The following KCNQ1 variants were observed in gnomAD, a reference collection of about 807,000 sequenced individuals.
KCNQ1 encodes potassium voltage-gated channel subfamily Q member 1.
Under a neutral mutation model 72.4 loss-of-function variants are expected in KCNQ1, and 49 were observed. The ratio of observed to expected loss-of-function variants is 0.68; its 90% CI spans 0.54 to 0.86. The LOEUF is 0.86. KCNQ1 is among the 40% of genes least tolerant of loss of function. The pLI, the probability that KCNQ1 is intolerant of heterozygous loss-of-function variation, is 0.00. For missense variants in KCNQ1, 790 were observed against 945.1 expected (o/e 0.84, Z 2.15); for synonymous variants, 450 against 412.6 (o/e 1.09, Z -1.10).
chr11:2,452,049 T>G (rs1328854549), intron 1 of KCNQ1, among the ~76,000 whole-genome samples: 1 of 152,194 alleles, frequency 6.6e-6, no homozygotes, highest in Non-Finnish European at 1.5e-5. Context: ...CCTTGGTCTG[T>G]GCCTGCGTCC....
chr11:2,588,110 G>A lies in KCNQ1; in HGVS notation c.1251+418G>A, dbSNP rs930896911. ...GTGAGGCAGGGGTGCAGCGAAGGGG[G>A]TCTGGAGGTCACAGGGCAGTGGAGT... On this transcript the variant is annotated intron_variant, in intron 9 of 15. Transcript: ENST00000155840. The surrounding 1 kb of genome is among the most constrained non-coding windows in gnomAD (Gnocchi z 5.6). Among the ~76,000 whole-genome samples the A allele has an allele frequency of 1.3e-5, 2 of 152,176 alleles. No individual in the cohort carries two copies. Among genetic ancestry groups the A allele is most frequent in the Middle Eastern group, 3.4e-3 (1 of 294 alleles).
chr11:2,692,272 T>A (rs1457598578), intron 11 of KCNQ1: 3 of 398,804 alleles, frequency 7.5e-6, no homozygotes, highest in South Asian at 2.5e-4. Context: ...ACTTCACCCA[T>A]CCATAGTTCT....
rs191016005 is a variant in KCNQ1, at chr11:2,606,304, C to T, written c.1393+17450C>T. ...GGGTTTTCTGTATACAACATTGATA[C>T]GGTTTGGATGTTTGGTCCCTCCAAA... On this transcript the variant is annotated intron_variant, in intron 10 of 15. Transcript: ENST00000155840. Among the ~76,000 whole-genome samples, 20 of 152,180 alleles carry T rather than the reference C, an allele frequency of 1.3e-4. 1 individual carries two copies. The East Asian group carries it at 2.7e-3, about 21-fold the overall frequency.
intron 15 of KCNQ1, among the ~76,000 whole-genome samples, chr11:2,832,211 G>A (rs556133767): frequency 6.6e-6 from 1 of 152,322 alleles, no homozygotes; most frequent in Non-Finnish European, 1.5e-5. Context: ...GCACAGTGGG[G>A]GTTGCCCGGC....
At chr11:2,519,490 T>C (rs58791985) in intron 1 of KCNQ1, among the ~76,000 whole-genome samples, 3,473 of 152,294 alleles carry the variant, frequency 0.023, 110 homozygotes, top group African/African-American at 0.072. Context: ...CATGGTGGCT[T>C]ACGCCTGTAA....
chr11:2,766,430 G>A lies in KCNQ1; in HGVS notation c.1515-2414G>A, dbSNP rs1846498876. On this transcript the variant is annotated intron_variant, in intron 11 of 15. Transcript: ENST00000155840. The surrounding 1 kb of genome is among the most constrained non-coding windows in gnomAD (Gnocchi z 4.4). Reference sequence around the variant, plus strand: ...CTCCTTCACGCGGCTGTTCCAGCAGGCTAGCTCAGACTTGTCCATGAGCCA... The same window carrying A: ...CTCCTTCACGCGGCTGTTCCAGCAGACTAGCTCAGACTTGTCCATGAGCCA... Among the ~76,000 whole-genome samples, 2 of 152,190 alleles carry A rather than the reference G, an allele frequency of 1.3e-5. No homozygotes were observed. Among genetic ancestry groups the A allele is most frequent in the Non-Finnish European group, 2.9e-5 (2 of 68,032 alleles).
intron 7 of KCNQ1, among the ~76,000 whole-genome samples, chr11:2,584,527 G>T (rs201042968): frequency 7.5e-6 from 1 of 133,520 alleles, no homozygotes; most frequent in Non-Finnish European, 1.6e-5. Context: ...GTGTGTTAGT[G>T]TGTGTGTTAG....
rs1257817942 is a variant in KCNQ1, at chr11:2,784,177, G to A, written c.1794+6140G>A. 1.3e-5 allele frequency among the ~76,000 whole-genome samples: 2 copies of A among 151,810 alleles called. No homozygotes were observed. Among genetic ancestry groups the A allele is most frequent in the African/African-American group, 2.4e-5 (1 of 41,460 alleles). On this transcript the variant is annotated intron_variant, in intron 15 of 15. Coordinates refer to ENST00000155840, the MANE Select transcript of KCNQ1 (RefSeq NM_000218.3). The surrounding 1 kb of genome is among the most constrained non-coding windows in gnomAD (Gnocchi z 4.7). ...TATATTTACTTTGAGGTAATTTTGGGGTATGATATGAAGTAAAGTCTAGAT... is the reference window on the plus strand; with the variant it reads ...TATATTTACTTTGAGGTAATTTTGGAGTATGATATGAAGTAAAGTCTAGAT...
At chr11:2,578,580 C>A (rs1848454796) in intron 6 of KCNQ1, among the ~76,000 whole-genome samples, 1 of 152,222 alleles carries the variant, frequency 6.6e-6, no homozygotes, top group Non-Finnish European at 1.5e-5. Flanking sequence ...CGCCCTTGGC[C>A]CAGAGCCTCC....
intron 1 of KCNQ1, among the ~76,000 whole-genome samples, chr11:2,518,754 C>T (rs1214099701): frequency 6.6e-6 from 1 of 152,180 alleles, no homozygotes; most frequent in East Asian, 1.9e-4. Context: ...TGTTGTGTCC[C>T]TTGGGCTGGG....
rs1474591413 is a variant in KCNQ1 at position 2,550,045 on chromosome 11, T to G, written c.478-20583T>G. Among the ~76,000 whole-genome samples the G allele has an allele frequency of 6.6e-6, 1 of 152,176 alleles. No individual in the cohort carries two copies. The highest frequency in any genetic ancestry group is 1.5e-5 in the Non-Finnish European group (1 of 68,010). ...CCTCGAGAGGGACGGACCCCAGAAC[T>G]GGACCCCAATGTGCAGGTCTGGGTG... On this transcript the variant is annotated intron_variant, in intron 2 of 15. Transcript: ENST00000155840. This position sits in a 1 kb window ranked among gnomAD's most constrained non-coding sequence, Gnocchi z 6.0.
At chr11:2,638,269 T>G (rs943507560) in intron 10 of KCNQ1, 1 of 152,254 alleles carries the variant, frequency 6.6e-6, no homozygotes, top group Non-Finnish European at 1.5e-5. Context: ...CTTCCTAGCA[T>G]CTATGGTCTT....
In KCNQ1 at chr11:2,543,539, G is replaced by A. The variant is rs548524914; in HGVS notation, c.477+15521G>A. Reference sequence around the variant, plus strand: ...TCCCCTTGCCTCGGCCTCCCAAAGCGCTGGAATTACAGGTGTGAGCCACTG... The same window carrying A: ...TCCCCTTGCCTCGGCCTCCCAAAGCACTGGAATTACAGGTGTGAGCCACTG... On this transcript the variant is annotated intron_variant, in intron 2 of 15. Transcript: ENST00000155840. The surrounding 1 kb of genome is among the most constrained non-coding windows in gnomAD (Gnocchi z 5.6). 2.6e-5 allele frequency among the ~76,000 whole-genome samples: 4 copies of A among 152,264 alleles called. No individual in the cohort carries two copies. The South Asian group carries it at 8.3e-4, about 32-fold the overall frequency.
At chr11:2,771,902 G>A (rs1447572109) in intron 12 of KCNQ1, among the ~76,000 whole-genome samples, 3 of 152,204 alleles carry the variant, frequency 2.0e-5, no homozygotes, top group Non-Finnish European at 4.4e-5. Context: ...CCGGGACCCT[G>A]AGAATGGCCC....
chr11:2,572,362 C>G (rs1848350518), intron 5 of KCNQ1, among the ~76,000 whole-genome samples: 1 of 152,178 alleles, frequency 6.6e-6, no homozygotes, highest in African/African-American at 2.4e-5. Context: ...TTCCTCTGAG[C>G]TGGGGGCAAA....
chr11:2,793,604 A>G (rs1351926499), intron 15 of KCNQ1, among the ~76,000 whole-genome samples: 1 of 152,208 alleles, frequency 6.6e-6, no homozygotes, highest in Non-Finnish European at 1.5e-5. Context: ...AGCCTGGGCA[A>G]CACAGTGAGA....
At position 2,479,148 on chromosome 11, in the gene KCNQ1, GC is replaced by G. The variant is rs1450223948; in HGVS notation, c.386+33665del. 1.3e-5 allele frequency among the ~76,000 whole-genome samples: 2 copies of G among 152,170 alleles called. No homozygotes were observed. The highest frequency in any genetic ancestry group is 2.9e-5 in the Non-Finnish European group (2 of 68,042). On this transcript the variant is annotated intron_variant, in intron 1 of 15. Transcript: ENST00000155840. The surrounding 1 kb of genome is among the most constrained non-coding windows in gnomAD (Gnocchi z 4.6). ...GCCTCCCTCCTGGCTGCTTTCACAGGCTGGCATTGAGTGTCTGCAGCTTTTC... is the reference window on the plus strand; with the variant it reads ...GCCTCCCTCCTGGCTGCTTTCACAGGTGGCATTGAGTGTCTGCAGCTTTTC...
Position 2,698,666 on chromosome 11 carries a change from C to T in KCNQ1, c.1514+36585C>T, listed in dbSNP as rs1354809641. 1.3e-5 allele frequency: 5 copies of T among 398,622 alleles called. No individual in the cohort carries two copies. The highest frequency in any genetic ancestry group is 4.1e-5 in the African/African-American group (2 of 48,566). The allele number at this position is 398,622 out of a possible 1,614,324, so 24.7% of individuals were successfully genotyped here. On this transcript the variant is annotated intron_variant, in intron 11 of 15. Transcript: ENST00000155840. The surrounding 1 kb of genome is among the most constrained non-coding windows in gnomAD (Gnocchi z 5.1). Reference sequence around the variant, plus strand: ...CCAATCCCAATCTCTTAACTCAGAGCCCCCCATTCAGAACCTCTACCCAAA... The same window carrying T: ...CCAATCCCAATCTCTTAACTCAGAGTCCCCCATTCAGAACCTCTACCCAAA...
intron 10 of KCNQ1, chr11:2,618,533 C>T: frequency 2.5e-6 from 1 of 398,454 alleles, no homozygotes; most frequent in East Asian, 3.6e-5. Flanking sequence ...TCTTTCTGGG[C>T]TCTCTATTCT....
Sources: gnomAD v4.1 joint callset for allele counts (sites outside exome capture counted in the v4.1 genomes callset) on GRCh38, gnomAD v4.1.1 for gene constraint, Gnocchi (gnomAD v3.1) non-coding constraint, MANE v1.5 for transcripts, NCBI Gene and HGNC (gene_info 2026-07-23, HGNC 2026-07-21) for gene names.